ADCY9: variants seen among roughly 807,000 people sequenced by gnomAD.
ADCY9 encodes the protein adenylate cyclase 9.
Under a neutral mutation model 101.5 loss-of-function variants are expected in ADCY9, and 50 were observed. The observed-to-expected ratio is 0.49, with a 90% CI of 0.39 to 0.62. The LOEUF is 0.62. ADCY9 is among the 20% of genes least tolerant of loss of function. ADCY9 has a pLI of 0.00. For synonymous variants in ADCY9, 905 were observed against 769.3 expected, an observed-to-expected ratio of 1.18 and a Z score of -2.92; for missense variants, 1,662 against 1,800.4, an observed-to-expected ratio of 0.92 and a Z score of 1.39.
At chr16:4,102,022 G>A (rs1487135875) in intron 2 of ADCY9, among the ~76,000 whole-genome samples, 1 of 152,180 alleles carries the variant, frequency 6.6e-6, no homozygotes, top group Admixed American at 6.6e-5. Context: ...CACAATCACA[G>A]TCCCTAGTGT....
At chr16:4,084,531 G>A (rs1200525777) in intron 2 of ADCY9, among the ~76,000 whole-genome samples, 1 of 152,040 alleles carries the variant, frequency 6.6e-6, no homozygotes, top group Non-Finnish European at 1.5e-5. Context: ...ATTGAAACCA[G>A]ACTGGACAAC....
At chr16:3,993,239 C>G (rs968611096) in intron 4 of ADCY9, 167 bp downstream of exon 4, 6 of 1,276,628 alleles carry the variant, frequency 4.7e-6, no homozygotes, top group Middle Eastern at 2.2e-4. Flanking sequence ...GACCCTCCCT[C>G]GAGCTCCCTG....
chr16:4,114,099 C>T lies in ADCY9; in HGVS notation c.1344G>A (p.Val448=). 1 of 1,613,874 alleles carries T rather than the reference C, an allele frequency of 6.2e-7. No individual in the cohort carries two copies. Among genetic ancestry groups the T allele is most frequent in the Admixed American group, 1.7e-5 (1 of 60,020 alleles). ...ISTLGDCYYC[V]AGCPEPRADH... ...CGGCCCGGGGCTCGGGACAGCCCGC[C>T]ACGCAGTAGTAACAGTCTCCCAGGG... Residue 448 remains valine (V), a synonymous_variant, in exon 2 of 11, where the codon GTG becomes GTA. Transcript: ENST00000294016. The surrounding 1 kb of genome is among the most constrained non-coding windows in gnomAD (Gnocchi z 4.3).
Position 4,027,873 on chromosome 16 carries a change from G to A in ADCY9, c.1694-20315C>T, listed in dbSNP as rs541070657. ...GCCTGGGTGACAAGAGCAAAATTCC[G>A]TTTCAAAAAAAAAAAAAAGAAAAAA... is the stretch of plus-strand genomic sequence containing the variant. On this transcript the variant is annotated intron_variant, in intron 2 of 10. Transcript: ENST00000294016. Among the ~76,000 whole-genome samples, 346 of 139,558 alleles carry A rather than the reference G, an allele frequency of 2.5e-3. 1 individual carries two copies. Among genetic ancestry groups the A allele is most frequent in the Admixed American group, 4.6e-3 (62 of 13,626 alleles). 91.6% of individuals were successfully genotyped at this position (139,558 alleles called of 152,430 possible).
At chr16:4,000,376 G>C (rs542313888) in intron 3 of ADCY9, among the ~76,000 whole-genome samples, 108 of 152,320 alleles carry the variant, frequency 7.1e-4, no homozygotes, top group Non-Finnish European at 1.3e-3. Context: ...CGATCTCCAG[G>C]TGAACGGGGC....
Position 3,977,598 on chromosome 16 carries a change from A to G in ADCY9, c.2712T>C (p.Ile904=). The change falls in exon 9 of 11, where the codon ATT becomes ATC. Residue 904 remains isoleucine (I), a synonymous_variant. Coordinates refer to ENST00000294016, the MANE Select transcript of ADCY9 (RefSeq NM_001116.4). ...FPVFTGSAAL[I]AVVHYCNFCQ... ...AGAAGTTACAGTAGTGCACGACGGC[A>G]ATCAGCGCGGCCGAGCCTGTGAACA... is the stretch of plus-strand genomic sequence containing the variant. 1 of 1,612,684 alleles carries G rather than the reference A, an allele frequency of 6.2e-7. No homozygotes were observed. The highest frequency in any genetic ancestry group is 8.5e-7 in the Non-Finnish European group (1 of 1,179,768).
At position 4,115,276 on chromosome 16, in the gene ADCY9, C is replaced by T; in HGVS notation, c.167G>A (p.Ser56Asn). 1.2e-6 allele frequency: 2 copies of T among 1,613,762 alleles called. No individual in the cohort carries two copies. Among genetic ancestry groups the T allele is most frequent in the Non-Finnish European group, 1.7e-6 (2 of 1,179,846 alleles). Residue 56 changes from serine to asparagine, a missense_variant, in exon 2 of 11, where the codon AGC (serine) becomes AAC (asparagine). Physicochemically the swap from Ser to Asn is conservative, Grantham distance 46 (BLOSUM62 1). Around this residue, in one of 5 missense-constraint regions of ADCY9, gnomAD observed 422 missense variants for 392.0 expected, o/e 1.08. Transcript: ENST00000294016. This position sits in a 1 kb window ranked among gnomAD's most constrained non-coding sequence, Gnocchi z 6.2. ...CKYSISSSCS[S>N]SGDSGGVPRR... The stretch of plus-strand genomic sequence containing the variant: ...GGGGACGCCCCCGGAGTCCCCAGAG[C>T]TGCTGCAGCTAGAGGAGATGCTGTA...
rs772952502 is a variant in ADCY9, at chr16:3,979,316, G to C, written c.2520-41C>G. ...GGGTTAGCAGGAGCGACGGGGCCCGGGGTGGGTCATCGGCCAGGAGACAGG... is the reference window on the plus strand; with the variant it reads ...GGGTTAGCAGGAGCGACGGGGCCCGCGGTGGGTCATCGGCCAGGAGACAGG... On this transcript the variant is annotated intron_variant, in intron 7 of 10. Coordinates refer to ENST00000294016, the MANE Select transcript of ADCY9 (RefSeq NM_001116.4). 3 of 1,606,942 alleles carry C rather than the reference G, an allele frequency of 1.9e-6. No individual in the cohort carries two copies. The Admixed American group carries it at 5.0e-5, about 27-fold the overall frequency.
At chr16:3,969,614 T>TATATATATATATACACGTA (rs1567414929) in intron 10 of ADCY9, among the ~76,000 whole-genome samples, 2 of 50,720 alleles carry the variant, frequency 3.9e-5, no homozygotes, top group Non-Finnish European at 7.6e-5. Context: ...ATATATGTAT[T>TATATATATATATACACGTA]TTTTTTTTTT....
intron 3 of ADCY9, among the ~76,000 whole-genome samples, chr16:3,995,254 C>A (rs888593862): frequency 6.6e-6 from 1 of 152,014 alleles, no homozygotes; most frequent in African/African-American, 2.4e-5. Context: ...ATGGCAAAAC[C>A]CTGCCTCAAC....
chr16:4,115,884 G>A lies in ADCY9; in HGVS notation c.-238C>T, dbSNP rs1372356232. 4 of 394,978 alleles carry A rather than the reference G, an allele frequency of 1.0e-5. No homozygotes were observed. The highest frequency in any genetic ancestry group is 1.8e-5 in the Non-Finnish European group (4 of 223,902). The allele number at this position is 394,978 out of a possible 1,614,324, so 24.5% of individuals were successfully genotyped here. ...GCGCTCCCAGCCCCGCGAGCCGCCT[G>A]CGCACAAACAACTCCGCTGGCGGCG... On this transcript the variant is annotated 5_prime_UTR_variant, in exon 1 of 11. Transcript: ENST00000294016. This position sits in a 1 kb window ranked among gnomAD's most constrained non-coding sequence, Gnocchi z 6.2.
At chr16:4,059,853 G>A (rs573131746) in intron 2 of ADCY9, among the ~76,000 whole-genome samples, 51 of 152,288 alleles carry the variant, frequency 3.3e-4, no homozygotes, top group African/African-American at 9.4e-4. Flanking sequence ...AACTATGATT[G>A]TGCCACTGCA....
intron 3 of ADCY9, among the ~76,000 whole-genome samples, chr16:3,994,270 C>T (rs941412451): frequency 2.6e-5 from 4 of 152,124 alleles, no homozygotes; most frequent in African/African-American, 9.7e-5. Flanking sequence ...ACCTTGATCT[C>T]GGACTTCCCA....
At chr16:4,104,826 G>A (rs1292714264) in intron 2 of ADCY9, among the ~76,000 whole-genome samples, 3 of 152,124 alleles carry the variant, frequency 2.0e-5, no homozygotes, top group Non-Finnish European at 4.4e-5. Flanking sequence ...GTAGATTTCT[G>A]TTGTGTACAT....
At chr16:4,079,933 T>G (rs1483548181) in intron 2 of ADCY9, among the ~76,000 whole-genome samples, 1 of 152,034 alleles carries the variant, frequency 6.6e-6, no homozygotes, top group African/African-American at 2.4e-5. Context: ...AATAAAAAAT[T>G]AATAAAAATA....
At chr16:4,097,453 C>CATATATATATAT (rs71394653) in intron 2 of ADCY9, among the ~76,000 whole-genome samples, 15 of 71,062 alleles carry the variant, frequency 2.1e-4, no homozygotes, top group Admixed American at 3.4e-4. Context: ...TGTGGAGTTA[C>CATATATATATAT]ATATATATAT....
At chr16:3,976,324 A>G (rs763283676) in intron 9 of ADCY9, among the ~76,000 whole-genome samples, 6 of 152,242 alleles carry the variant, frequency 3.9e-5, no homozygotes, top group Non-Finnish European at 8.8e-5. Context: ...AGAATTATTC[A>G]GTTAGTGCAA....
chr16:4,014,382 A>C (rs950275247), intron 2 of ADCY9, among the ~76,000 whole-genome samples: 3 of 152,064 alleles, frequency 2.0e-5, no homozygotes, highest in Admixed American at 6.6e-5. Context: ...TTATGGAAGA[A>C]AGTGAAAGAA....
In ADCY9 at chr16:4,007,287, G is replaced by A. The variant is rs1191569949; in HGVS notation, c.1884+81C>T. ...CCAAGTTGTTTGCCTCAGACCTGGA[G>A]GCTGCTTATTATTTCACGTGCTCTA... On this transcript the variant is annotated intron_variant, in intron 3 of 10. Coordinates refer to ENST00000294016, the MANE Select transcript of ADCY9 (RefSeq NM_001116.4). 9.3e-6 allele frequency: 12 copies of A among 1,285,406 alleles called. 1 individual carries two copies. The Admixed American group carries it at 2.0e-4, about 21-fold the overall frequency. The allele number at this position is 1,285,406 out of a possible 1,614,324, so 79.6% of individuals were successfully genotyped here.
Sources: gnomAD v4.1 joint callset for allele counts (sites outside exome capture counted in the v4.1 genomes callset) on GRCh38, gnomAD v4.1.1 for gene constraint, gnomAD v4.1.1 regional missense constraint, Gnocchi (gnomAD v3.1) non-coding constraint, MANE v1.5 for transcripts, NCBI Gene and HGNC (gene_info 2026-07-23, HGNC 2026-07-21) for gene names.